FCHO1: variants seen among roughly 807,000 people sequenced by gnomAD.
The protein encoded by FCHO1 is FCH and mu domain containing endocytic adaptor 1.
FCHO1 carries 45 observed loss-of-function variants against 114.4 expected under a neutral mutation model. That is an observed-to-expected ratio of 0.39 (90% CI 0.31 to 0.50). The LOEUF is 0.50. Ranked by LOEUF, FCHO1 falls within the 20% of genes least tolerant of loss-of-function variation. FCHO1 has a pLI of 0.77. For synonymous variants in FCHO1, 480 were observed against 488.9 expected (o/e 0.98, Z 0.24); for missense variants, 1,042 against 1,209.6 (o/e 0.86, Z 2.06).
chr19:17,749,537 G>T (rs1295698395), upstream of FCHO1, among the ~76,000 whole-genome samples: 3 of 152,128 alleles, frequency 2.0e-5, no homozygotes, highest in African/African-American at 7.2e-5. Context: ...GTACACAGTA[G>T]GCATTCAATA....
At chr19:17,771,372 A>AG (rs2091469283) in intron 9 of FCHO1, among the ~76,000 whole-genome samples, 1 of 100,042 alleles carries the variant, frequency 1.0e-5, no homozygotes, top group South Asian at 2.7e-4. Context: ...AAAAAAAAAG[A>AG]AAAGAAAAGA....
chr19:17,786,685 G>T (rs1477711814), intron 27 of FCHO1, 56 bp downstream of exon 27: 47 of 1,558,846 alleles, frequency 3.0e-5, no homozygotes, highest in Non-Finnish European at 3.6e-5. Context: ...CAGGTGGGAG[G>T]CACTTATTTA....
intron 20 of FCHO1, among the ~76,000 whole-genome samples, chr19:17,780,282 G>C (rs2093264781): frequency 6.7e-6 from 1 of 149,822 alleles, no homozygotes; most frequent in South Asian, 2.1e-4. Context: ...TTCTGCCTCA[G>C]CCTCCCAAGT....
At chr19:17,759,225 C>CTTTTTTTT (rs2085055880) in intron 4 of FCHO1, among the ~76,000 whole-genome samples, 1 of 12,302 alleles carries the variant, frequency 8.1e-5, no homozygotes, top group Non-Finnish European at 1.4e-4. Flanking sequence ...CAGCTGATTA[C>CTTTTTTTT]CTTTTTTTTT....
At chr19:17,767,694 T>A (rs1246922412) in intron 7 of FCHO1, among the ~76,000 whole-genome samples, 1 of 151,894 alleles carries the variant, frequency 6.6e-6, no homozygotes, top group African/African-American at 2.4e-5. Context: ...CAGTCACATA[T>A]CAGTGCCAGT....
chr19:17,788,519 G>A lies in FCHO1; in HGVS notation c.*213G>A. On this transcript the variant is annotated 3_prime_UTR_variant, in exon 29 of 29. Transcript: ENST00000596536. ...AGGTCCCGGCCTTTTAATGTTCTTT[G>A]AATAAACACTTTATTTTCTAATAAA... is the stretch of plus-strand genomic sequence containing the variant. 1 of 533,542 alleles carries A rather than the reference G, an allele frequency of 1.9e-6. No individual in the cohort carries two copies. Among genetic ancestry groups the A allele is most frequent in the East Asian group, 3.3e-5 (1 of 30,614 alleles). The allele number at this position is 533,542 out of a possible 1,614,324, so 33.1% of individuals were successfully genotyped here.
At position 17,774,449 on chromosome 19, in the gene FCHO1, G is replaced by A. The variant is rs754761937; in HGVS notation, c.891G>A (p.Arg297=). 1.1e-5 allele frequency: 17 copies of A among 1,613,420 alleles called. No individual in the cohort carries two copies. In the East Asian group the frequency reaches 2.9e-4, roughly 27 times the overall value. The part of the protein sequence containing the change: ...KAFRLPGLSR[R]EREPEPPAAV... The stretch of plus-strand genomic sequence containing the variant: ...TTCGCCTTCCAGGACTAAGCCGGCG[G>A]GAGCGGGAGCCAGAGCCACCTGCAG... The change falls in exon 13 of 29, where the codon CGG becomes CGA. Residue 297 remains arginine (R), a synonymous_variant. Transcript: ENST00000596536.
intron 6 of FCHO1, 145 bp from the exon 7 acceptor site, chr19:17,766,524 T>TA: frequency 5.4e-6 from 6 of 1,112,444 alleles, no homozygotes; most frequent in Non-Finnish European, 7.6e-6. Flanking sequence ...GCCCGCCTCT[T>TA]ACAGCTGCCA....
At position 17,776,480 on chromosome 19, in the gene FCHO1, A is replaced by G. The variant is rs2147139050; in HGVS notation, c.1208-155A>G. 1 of 1,020,156 alleles carries G rather than the reference A, an allele frequency of 9.8e-7. No individual in the cohort carries two copies. The highest frequency in any genetic ancestry group is 1.4e-5 in the South Asian group (1 of 72,768). The allele number at this position is 1,020,156 out of a possible 1,614,324, so 63.2% of individuals were successfully genotyped here. A position where few individuals can be genotyped will look rare whatever the true frequency, so the allele number is the denominator to read the frequency against. Reference sequence around the variant, plus strand: ...GGCCAGGAGAAGCTAGCATCTGGAGACAGGCTCGCTTAGGCTTGAATCCAT... The same window carrying G: ...GGCCAGGAGAAGCTAGCATCTGGAGGCAGGCTCGCTTAGGCTTGAATCCAT... On this transcript the variant is annotated intron_variant, in intron 17 of 28. Transcript: ENST00000596536. The surrounding 1 kb of genome is among the most constrained non-coding windows in gnomAD (Gnocchi z 4.4).
chr19:17,753,832 A>G (rs1406553832), intron 1 of FCHO1: 1 of 151,882 alleles, frequency 6.6e-6, no homozygotes, highest in Non-Finnish European at 1.5e-5. Context: ...ACACCTGGCT[A>G]ATTTTTGTAT....
At chr19:17,755,667 G>A (rs916198477) in intron 4 of FCHO1, 3 of 144,358 alleles carry the variant, frequency 2.1e-5, no homozygotes, top group African/African-American at 4.9e-5. Flanking sequence ...GTGAGACAGA[G>A]TTGTTTTTAT....
In FCHO1 at chr19:17,784,904, C is replaced by T; in HGVS notation, c.2406C>T (p.Arg802=). 1 of 1,612,304 alleles carries T rather than the reference C, an allele frequency of 6.2e-7. No homozygotes were observed. ...TGGGGGAGCCTGTGACCAACGTCCG[C>T]TTGCAGCCGGCTGCCACCTGGTGAG... is the stretch of plus-strand genomic sequence containing the variant. ...LPVGEPVTNV[R]LQPAATWNLE... Residue 802 remains arginine, a synonymous_variant, in exon 26 of 29, where the codon CGC becomes CGT. Coordinates refer to ENST00000596536, the MANE Select transcript of FCHO1 (RefSeq NM_015122.3). This position sits in a 1 kb window ranked among gnomAD's most constrained non-coding sequence, Gnocchi z 5.3.
chr19:17,762,070 C>T (rs1568326696), intron 4 of FCHO1, among the ~76,000 whole-genome samples: 2 of 151,738 alleles, frequency 1.3e-5, no homozygotes, highest in Non-Finnish European at 2.9e-5. Context: ...ACTGCAACCT[C>T]TGCCTCCTGG....
At chr19:17,757,273 A>G (rs1011733559) in intron 4 of FCHO1, among the ~76,000 whole-genome samples, 3 of 151,862 alleles carry the variant, frequency 2.0e-5, no homozygotes, top group Non-Finnish European at 4.4e-5. Flanking sequence ...GACAGACCTG[A>G]GACAGCCCCT....
intron 20 of FCHO1, among the ~76,000 whole-genome samples, chr19:17,779,766 G>T (rs969169056): frequency 6.6e-6 from 1 of 150,938 alleles, no homozygotes; most frequent in Non-Finnish European, 1.5e-5. Flanking sequence ...AGGGAGGGGT[G>T]GGGGACGTCG....
intron 9 of FCHO1, among the ~76,000 whole-genome samples, chr19:17,771,479 T>C (rs1260703130): frequency 6.6e-6 from 1 of 150,542 alleles, no homozygotes; most frequent in African/African-American, 2.4e-5. Context: ...CTATCCTGGC[T>C]AACACGGTGA....
chr19:17,756,217 G>C lies in FCHO1; in HGVS notation c.27+1026G>C, dbSNP rs189524840. On this transcript the variant is annotated intron_variant, in intron 4 of 28. Transcript: ENST00000596536. The stretch of plus-strand genomic sequence containing the variant: ...AAGGGGCCGCACTCCCTTGCCACCT[G>C]CAGGGGTGTGACCTCCGCCCTCTCT... 2.0e-5 allele frequency among the ~76,000 whole-genome samples: 3 copies of C among 152,296 alleles called. No individual in the cohort carries two copies. In the East Asian group the frequency reaches 5.8e-4, roughly 29 times the overall value.
rs2086871298 is a variant in FCHO1, at chr19:17,762,823, C to T, written c.89C>T (p.Thr30Ile). 4.3e-6 allele frequency: 7 copies of T among 1,613,868 alleles called. No individual in the cohort carries two copies. Among genetic ancestry groups the T allele is most frequent in the East Asian group, 2.2e-5 (1 of 44,880 alleles). Residue 30 changes from threonine (T) to isoleucine (I), a missense_variant, in exon 5 of 29, where the codon ACC (threonine) becomes ATC (isoleucine). By Grantham distance (89) the Thr-to-Ile change is moderately conservative. Coordinates refer to ENST00000596536, the MANE Select transcript of FCHO1 (RefSeq NM_015122.3). ...YHSVKQGPISTKELADFIRER... is the reference protein window; with the variant it reads ...YHSVKQGPISIKELADFIRER... ...AGCGTGAAGCAGGGGCCCATCTCCA[C>T]CAAGGAGCTGGCGGACTTCATCCGG...
chr19:17,781,744 G>A lies in FCHO1; in HGVS notation c.1861G>A (p.Gly621Ser), dbSNP rs766078040. 7.5e-6 allele frequency: 12 copies of A among 1,610,520 alleles called. No individual in the cohort carries two copies. ...VSRGPSPVVL[G>S]SQDALPIATA... ...CCGGGGTCCGAGCCCTGTGGTCCTG[G>A]GCTCCCAGGATGCCCTGCCCATAGC... The change falls in exon 23 of 29, where the codon GGC (glycine) becomes AGC (serine). Residue 621 changes from glycine to serine, a missense_variant. By Grantham distance (56) the Gly-to-Ser change is moderately conservative. This residue lies in a region of FCHO1 where 455 missense variants were observed against 455.4 expected (regional missense o/e 1.00). Coordinates refer to ENST00000596536, the MANE Select transcript of FCHO1 (RefSeq NM_015122.3).
Sources: gnomAD v4.1 joint callset for allele counts (sites outside exome capture counted in the v4.1 genomes callset) on GRCh38, gnomAD v4.1.1 for gene constraint, gnomAD v4.1.1 regional missense constraint, Gnocchi (gnomAD v3.1) non-coding constraint, MANE v1.5 for transcripts, NCBI Gene and HGNC (gene_info 2026-07-23, HGNC 2026-07-21) for gene names.